Variants in PTPRN2 observed in about 807,000 individuals in gnomAD.
PTPRN2 encodes the protein receptor-type tyrosine-protein phosphatase N2.
A neutral mutation model predicts 118.8 loss-of-function variants in PTPRN2; 74 were observed. That is an observed-to-expected ratio of 0.62 (90% confidence interval 0.52 to 0.76). The LOEUF (loss-of-function observed/expected upper bound fraction) is 0.76, where lower values mean the gene tolerates loss of function less well. PTPRN2 is among the 30% of genes least tolerant of loss of function. PTPRN2 has a pLI of 0.00. For synonymous variants in PTPRN2, 641 were observed against 608.0 expected (o/e 1.05, Z -0.80); for missense variants, 1,481 against 1,394.4 (o/e 1.06, Z -0.99).
chr7:157,624,535 T>A (rs773929051), intron 14 of PTPRN2, among the ~76,000 whole-genome samples: 9 of 152,268 alleles, frequency 5.9e-5, no homozygotes, highest in Non-Finnish European at 1.2e-4. Context: ...GGCAAACCCA[T>A]CTCACACAAA....
At chr7:157,595,060 T>C (rs1801214183) in intron 17 of PTPRN2, among the ~76,000 whole-genome samples, 178 bp downstream of exon 17, 1 of 152,216 alleles carries the variant, frequency 6.6e-6, no homozygotes, top group African/African-American at 2.4e-5. Flanking sequence ...TACTCAAGTT[T>C]TGGAAAACAA....
rs764609631 is a variant in PTPRN2 at position 158,541,537 on chromosome 7, C to T, written c.112+46021G>A. ...TCCACCCTGGGCAAGGTGTGGCTCA[C>T]ACAGAACATCTTCATAGTAGGAAAG... On this transcript the variant is annotated intron_variant, in intron 1 of 22. Transcript: ENST00000389418. 8 of 1,352,132 alleles carry T rather than the reference C, an allele frequency of 5.9e-6. No homozygotes were observed. In the South Asian group the frequency reaches 9.1e-5, roughly 15 times the overall value. The allele number at this position is 1,352,132 out of a possible 1,614,324, so 83.8% of individuals were successfully genotyped here.
chr7:158,145,598 G>C (rs1222532108), intron 6 of PTPRN2, among the ~76,000 whole-genome samples: 1 of 152,242 alleles, frequency 6.6e-6, no homozygotes, highest in Non-Finnish European at 1.5e-5. Context: ...GAAAGCCAGA[G>C]CACCCTGGCC....
At chr7:157,582,159 A>G (rs952348823) in intron 17 of PTPRN2, among the ~76,000 whole-genome samples, 2 of 152,158 alleles carry the variant, frequency 1.3e-5, no homozygotes, top group Admixed American at 1.3e-4. Flanking sequence ...CTGCAACCTC[A>G]CTCTCTTCTT....
intron 11 of PTPRN2, among the ~76,000 whole-genome samples, chr7:157,995,405 C>A (rs914394624): frequency 6.6e-6 from 1 of 152,226 alleles, no homozygotes; most frequent in East Asian, 1.9e-4. Flanking sequence ...TCACACTCTA[C>A]GGTTTCTATC....
chr7:157,918,366 T>C (rs1798525617), intron 11 of PTPRN2, among the ~76,000 whole-genome samples: 1 of 152,132 alleles, frequency 6.6e-6, no homozygotes, highest in South Asian at 2.1e-4. Context: ...AAAACCAAAC[T>C]ATAACATCAT....
intron 12 of PTPRN2, chr7:157,862,865 C>T (rs1468809158): frequency 1.3e-5 from 2 of 152,610 alleles, no homozygotes; most frequent in African/African-American, 2.4e-5. Flanking sequence ...CGGCGAGGAC[C>T]GGCTTTAAAG....
intron 2 of PTPRN2, among the ~76,000 whole-genome samples, chr7:158,351,147 C>T (rs1212595924): frequency 2.0e-5 from 3 of 152,182 alleles, no homozygotes; most frequent in Admixed American, 6.5e-5. Context: ...ACCTCACCGA[C>T]GGCATCTCTC....
chr7:158,125,021 G>C (rs1817510439), intron 9 of PTPRN2, among the ~76,000 whole-genome samples: 1 of 152,218 alleles, frequency 6.6e-6, no homozygotes, highest in Non-Finnish European at 1.5e-5. Flanking sequence ...GAGAAGGGGA[G>C]ACAGCATGGA....
chr7:157,559,066 C>T lies in PTPRN2; in HGVS notation c.2902+9836G>A, dbSNP rs1387434774. On this transcript the variant is annotated intron_variant, in intron 21 of 22. Coordinates refer to ENST00000389418, the MANE Select transcript of PTPRN2 (RefSeq NM_002847.5). Reference sequence around the variant, plus strand: ...CTTCCCACACGCACGTTCTGTCTCACGCAGTTGCTGTGCATTTGGAAGAAT... The same window carrying T: ...CTTCCCACACGCACGTTCTGTCTCATGCAGTTGCTGTGCATTTGGAAGAAT... Among the ~76,000 whole-genome samples the T allele has an allele frequency of 3.3e-5, 5 of 152,244 alleles. 1 individual carries two copies. In the East Asian group the frequency reaches 5.8e-4, roughly 18 times the overall value.
chr7:158,190,063 C>T (rs943914392), intron 5 of PTPRN2, among the ~76,000 whole-genome samples: 1 of 152,220 alleles, frequency 6.6e-6, no homozygotes, highest in African/African-American at 2.4e-5. Context: ...TTCAGACTCT[C>T]AACCTAATTT....
chr7:157,896,363 C>T (rs1283271621), intron 12 of PTPRN2, among the ~76,000 whole-genome samples: 4 of 152,190 alleles, frequency 2.6e-5, no homozygotes, highest in Admixed American at 2.6e-4. Flanking sequence ...AGCGACCAGG[C>T]CCTGTGGCTC....
intron 12 of PTPRN2, among the ~76,000 whole-genome samples, chr7:157,745,887 G>A (rs996417193): frequency 8.5e-5 from 13 of 152,120 alleles, no homozygotes; most frequent in Non-Finnish European, 2.9e-5. Flanking sequence ...CAGCACGCAC[G>A]CCACAAACAT....
At chr7:158,392,963 C>T (rs796324241) in intron 2 of PTPRN2, among the ~76,000 whole-genome samples, 3 of 152,320 alleles carry the variant, frequency 2.0e-5, no homozygotes, top group African/African-American at 7.2e-5. Context: ...TGTCTAGAAC[C>T]ACCAGCCCCT....
intron 16 of PTPRN2, among the ~76,000 whole-genome samples, chr7:157,597,976 A>T (rs1226090767): frequency 1.3e-5 from 2 of 152,372 alleles, no homozygotes; most frequent in East Asian, 3.9e-4. Context: ...TGGAAGCAGC[A>T]ACTGCAAAGG....
At position 157,615,347 on chromosome 7, in the gene PTPRN2, CT is replaced by C; in HGVS notation, c.2344+6014del. On this transcript the variant is annotated intron_variant, in intron 15 of 22. Coordinates refer to ENST00000389418, the MANE Select transcript of PTPRN2 (RefSeq NM_002847.5). This position sits in a 1 kb window ranked among gnomAD's most constrained non-coding sequence, Gnocchi z 4.3. Reference sequence around the variant, plus strand: ...GCGCTGGGGTAGTGTAGGCTGCACTCTCCGGGGAGCCGCTGACCTTGGGCTC... The same window carrying C: ...GCGCTGGGGTAGTGTAGGCTGCACTCCCGGGGAGCCGCTGACCTTGGGCTC... 3 of 436,648 alleles carry C rather than the reference CT, an allele frequency of 6.9e-6. No individual in the cohort carries two copies. The highest frequency in any genetic ancestry group is 1.4e-5 in the Non-Finnish European group (3 of 208,548). 27.0% of individuals were successfully genotyped at this position (436,648 alleles called of 1,614,324 possible).
chr7:157,718,832 G>A (rs747782372), intron 12 of PTPRN2, among the ~76,000 whole-genome samples: 22 of 151,962 alleles, frequency 1.4e-4, no homozygotes, highest in Non-Finnish European at 2.1e-4. Context: ...TGCCGCAATC[G>A]GTCCTTCCAG....
chr7:158,071,548 T>C (rs1455586115), intron 11 of PTPRN2, among the ~76,000 whole-genome samples: 2 of 123,084 alleles, frequency 1.6e-5, no homozygotes, highest in South Asian at 3.0e-4. Context: ...ATGGAGGTGC[T>C]CCTGGTGGTG....
chr7:158,512,605 C>T (rs1167306280), intron 1 of PTPRN2, among the ~76,000 whole-genome samples: 1 of 152,150 alleles, frequency 6.6e-6, no homozygotes, highest in Non-Finnish European at 1.5e-5. Flanking sequence ...GCTGACATGT[C>T]CTACAGGCAA....
Sources: allele counts gnomAD v4.1 joint callset (sites outside exome capture counted in the v4.1 genomes callset), GRCh38; gene constraint gnomAD v4.1.1; non-coding constraint Gnocchi (gnomAD v3.1); transcripts MANE v1.5; gene names NCBI Gene and HGNC (gene_info 2026-07-23, HGNC 2026-07-21).